The following NCAM2 variants were observed in gnomAD, a reference collection of about 807,000 sequenced individuals.
The protein encoded by NCAM2 is neural cell adhesion molecule 2, also known as N-CAM-2.
Under a neutral mutation model 98.1 loss-of-function variants are expected in NCAM2, and 30 were observed. The observed-to-expected ratio is 0.31, with a 90% CI of 0.23 to 0.41. The LOEUF (loss-of-function observed/expected upper bound fraction) is 0.41. Among genes scored for constraint, NCAM2 ranks in the 10% least tolerant of loss-of-function variants. The pLI is 1.00. For synonymous variants in NCAM2, 368 were observed against 342.4 expected (o/e 1.07, Z -0.83); for missense variants, 867 against 1,005.8 (o/e 0.86, Z 1.87).
chr21:21,468,140 C>A (rs1380595), intron 13 of NCAM2, among the ~76,000 whole-genome samples: 44,165 of 151,662 alleles, frequency 0.29, 7,166 homozygotes, highest in African/African-American at 0.42. Context: ...AAACACAGGT[C>A]TATAAAATTG....
chr21:21,356,962 C>A (rs984900278), intron 8 of NCAM2, among the ~76,000 whole-genome samples: 3 of 149,350 alleles, frequency 2.0e-5, no homozygotes, highest in Non-Finnish European at 2.9e-5. Context: ...GCACTCCAGC[C>A]TGGGAAACAA....
At chr21:21,435,353 A>G (rs1489214451) in intron 12 of NCAM2, among the ~76,000 whole-genome samples, 4 of 152,064 alleles carry the variant, frequency 2.6e-5, no homozygotes, top group South Asian at 4.1e-4. Context: ...CTCTCCTCTC[A>G]TCTCTTGTGC....
chr21:21,469,040 C>T (rs1024053877), intron 14 of NCAM2, among the ~76,000 whole-genome samples: 1 of 151,802 alleles, frequency 6.6e-6, no homozygotes, highest in African/African-American at 2.4e-5. Context: ...GTAAACATTT[C>T]AGAAATGAGA....
At chr21:21,173,425 A>G (rs1292511743) in intron 1 of NCAM2, among the ~76,000 whole-genome samples, 2 of 152,220 alleles carry the variant, frequency 1.3e-5, no homozygotes, top group African/African-American at 2.4e-5. Context: ...GTCAATAGCA[A>G]TGAACCTTGT....
chr21:21,473,549 A>C (rs563367493), intron 14 of NCAM2, among the ~76,000 whole-genome samples: 2 of 151,688 alleles, frequency 1.3e-5, no homozygotes, highest in East Asian at 3.9e-4. Context: ...CTTTATATAC[A>C]TACAAAATCT....
At chr21:21,173,280 G>A (rs1412157901) in intron 1 of NCAM2, among the ~76,000 whole-genome samples, 1 of 152,132 alleles carries the variant, frequency 6.6e-6, no homozygotes, top group African/African-American at 2.4e-5. Flanking sequence ...AATGTTCAAT[G>A]GAATTAAATG....
At chr21:21,379,819 A>C (rs1029829147) in intron 9 of NCAM2, among the ~76,000 whole-genome samples, 73 of 152,050 alleles carry the variant, frequency 4.8e-4, no homozygotes, top group African/African-American at 1.7e-3. Flanking sequence ...ATATATGTAT[A>C]TATATATATG....
At chr21:21,419,357 TC>T (rs200437087) in intron 11 of NCAM2, among the ~76,000 whole-genome samples, 2,605 of 148,942 alleles carry the variant, frequency 0.017, 69 homozygotes, top group East Asian at 0.13. Context: ...GTTTTTTTTT[TC>T]GATTTTTTTT....
rs553999666 is a variant in NCAM2, at chr21:21,065,510, CTTT to C, written c.55+66895_55+66897del. On this transcript the variant is annotated intron_variant, in intron 1 of 17. Transcript: ENST00000400546. ...TAAGTGATGTGGCACTGAATGAATA[CTTT>C]TTATTCTCCTCATTTTTGAATAGGT... Among the ~76,000 whole-genome samples, 76 of 152,248 alleles carry C rather than the reference CTTT, an allele frequency of 5.0e-4. 1 individual carries two copies. Among genetic ancestry groups the C allele is most frequent in the African/African-American group, 1.6e-3 (68 of 41,560 alleles).
At chr21:21,460,437 A>G (rs1982801205) in intron 12 of NCAM2, among the ~76,000 whole-genome samples, 1 of 151,880 alleles carries the variant, frequency 6.6e-6, no homozygotes, top group African/African-American at 2.4e-5. Flanking sequence ...ATGAAATAGG[A>G]TCAGATAGGA....
At chr21:21,017,865 AT>A (rs2064345671) in intron 1 of NCAM2, among the ~76,000 whole-genome samples, 1 of 152,054 alleles carries the variant, frequency 6.6e-6, no homozygotes, top group Admixed American at 6.6e-5. Context: ...GTGTATATAT[AT>A]TTGTGTGTGT....
intron 1 of NCAM2, among the ~76,000 whole-genome samples, chr21:21,156,649 A>G (rs971033012): frequency 6.6e-6 from 1 of 152,016 alleles, no homozygotes; most frequent in African/African-American, 2.4e-5. Context: ...TATATGTATC[A>G]TATTCCCAGT....
At chr21:21,304,677 T>C (rs776987389) in intron 5 of NCAM2, among the ~76,000 whole-genome samples, 19 of 152,106 alleles carry the variant, frequency 1.2e-4, no homozygotes, top group Admixed American at 2.6e-4. Flanking sequence ...TCCACTACCA[T>C]AACTTTGATT....
In NCAM2 at chr21:21,467,527, C is replaced by A. The variant is rs527580415; in HGVS notation, c.1774+802C>A. On this transcript the variant is annotated intron_variant, in intron 13 of 17. Transcript: ENST00000400546. ...ATCATAAAATCTGTCAGGTAAGTTTCTTTTCTCCATTCCCAATGCTGGTGG... is the reference window on the plus strand; with the variant it reads ...ATCATAAAATCTGTCAGGTAAGTTTATTTTCTCCATTCCCAATGCTGGTGG... Among the ~76,000 whole-genome samples, 474 of 151,008 alleles carry A rather than the reference C, an allele frequency of 3.1e-3. 2 individuals are homozygous for A. Among genetic ancestry groups the A allele is most frequent in the Non-Finnish European group, 5.2e-3 (350 of 67,772 alleles).
intron 1 of NCAM2, among the ~76,000 whole-genome samples, chr21:21,158,243 G>T (rs1700093096): frequency 6.6e-6 from 1 of 152,250 alleles, no homozygotes; most frequent in Admixed American, 6.5e-5. Context: ...TTTTAAAATA[G>T]CACATTCACA....
intron 9 of NCAM2, among the ~76,000 whole-genome samples, chr21:21,395,322 G>A (rs1322677813): frequency 6.6e-6 from 1 of 152,044 alleles, no homozygotes; most frequent in East Asian, 1.9e-4. Context: ...AGCCGGGACA[G>A]CAGAGCAAGA....
chr21:21,411,039 T>A (rs1043878743), intron 10 of NCAM2, among the ~76,000 whole-genome samples: 1 of 69,108 alleles, frequency 1.4e-5, no homozygotes, highest in Non-Finnish European at 2.7e-5. Context: ...TATACACACA[T>A]ATATATATGT....
chr21:21,511,951 G>GT (rs892668230), intron 16 of NCAM2, among the ~76,000 whole-genome samples: 6 of 151,562 alleles, frequency 4.0e-5, no homozygotes, highest in African/African-American at 1.2e-4. Context: ...TATTTGTTTT[G>GT]TTTTTTTCCT....
At chr21:21,098,578 T>C (rs2066173444) in intron 1 of NCAM2, among the ~76,000 whole-genome samples, 1 of 151,816 alleles carries the variant, frequency 6.6e-6, no homozygotes, top group South Asian at 2.1e-4. Context: ...TCACATCTTC[T>C]CTATTAGGGA....
Sources: gnomAD v4.1 joint callset for allele counts (sites outside exome capture counted in the v4.1 genomes callset) on GRCh38, gnomAD v4.1.1 for gene constraint, MANE v1.5 for transcripts, NCBI Gene and HGNC (gene_info 2026-07-23, HGNC 2026-07-21) for gene names.